CNTN3: variants seen among roughly 807,000 people sequenced by gnomAD.
The protein encoded by CNTN3 is contactin-3.
A neutral mutation model predicts 119.1 loss-of-function variants in CNTN3; 60 were observed. The observed-to-expected ratio is 0.50, with a 90% CI of 0.41 to 0.62. The LOEUF (loss-of-function observed/expected upper bound fraction) is 0.62. Ranked by LOEUF, CNTN3 falls within the 20% of genes least tolerant of loss-of-function variation. The pLI is 0.00. For missense variants in CNTN3, 1,101 were observed against 1,242.4 expected, an observed-to-expected ratio of 0.89 and a Z score of 1.71; for synonymous variants, 450 against 438.7, an observed-to-expected ratio of 1.03 and a Z score of -0.32.
intron 20 of CNTN3, among the ~76,000 whole-genome samples, chr3:74,281,228 G>A (rs572758977): frequency 6.6e-6 from 1 of 152,316 alleles, no homozygotes; most frequent in East Asian, 1.9e-4. Context: ...GGCAGAAACA[G>A]GATGAACAGT....
At chr3:74,385,989 TA>T (rs1704736675) in intron 5 of CNTN3, among the ~76,000 whole-genome samples, 1 of 152,176 alleles carries the variant, frequency 6.6e-6, no homozygotes, top group South Asian at 2.1e-4. Flanking sequence ...CATATTAACT[TA>T]TTTTTTCCTC....
At chr3:74,395,043 T>C (rs1705011470) in intron 5 of CNTN3, among the ~76,000 whole-genome samples, 1 of 152,186 alleles carries the variant, frequency 6.6e-6, no homozygotes, top group African/African-American at 2.4e-5. Context: ...TTTTTTAAAT[T>C]GTAATAAACA....
chr3:74,303,600 C>T (rs896312314), intron 13 of CNTN3, among the ~76,000 whole-genome samples: 1 of 151,990 alleles, frequency 6.6e-6, no homozygotes, highest in Admixed American at 6.6e-5. Context: ...GGCCAAGGCA[C>T]GAGAATCACT....
intron 1 of CNTN3, among the ~76,000 whole-genome samples, chr3:74,557,370 C>T (rs954552510): frequency 5.3e-5 from 8 of 152,086 alleles, no homozygotes; most frequent in Non-Finnish European, 1.0e-4. Context: ...TTTCCCATCA[C>T]TGTGATGGCA....
intron 4 of CNTN3, among the ~76,000 whole-genome samples, chr3:74,447,915 G>A (rs1257685613): frequency 6.6e-6 from 1 of 152,104 alleles, no homozygotes; most frequent in Non-Finnish European, 1.5e-5. Context: ...CAGCTACTAG[G>A]GGAATAACTC....
intron 4 of CNTN3, among the ~76,000 whole-genome samples, chr3:74,452,342 T>C (rs1426087311): frequency 1.8e-5 from 2 of 113,748 alleles, no homozygotes; most frequent in African/African-American, 7.4e-5. Flanking sequence ...ATAAGAATGC[T>C]TGTGATTTTC....
chr3:74,305,827 T>C (rs1286943629), intron 13 of CNTN3, among the ~76,000 whole-genome samples: 2 of 151,652 alleles, frequency 1.3e-5, no homozygotes, highest in South Asian at 2.1e-4. Flanking sequence ...TATCCTCTTA[T>C]GACTTGTTCA....
At chr3:74,447,939 C>T (rs773361281) in intron 4 of CNTN3, among the ~76,000 whole-genome samples, 1 of 152,118 alleles carries the variant, frequency 6.6e-6, no homozygotes, top group Non-Finnish European at 1.5e-5. Flanking sequence ...CTGGCAGACC[C>T]ATCAGGATGC....
intron 4 of CNTN3, among the ~76,000 whole-genome samples, chr3:74,440,045 A>G (rs1191840917): frequency 1.3e-5 from 2 of 152,244 alleles, no homozygotes; most frequent in African/African-American, 4.8e-5. Context: ...TTTAAAATGT[A>G]TATGACAACA....
chr3:74,529,749 A>T (rs1703668332), intron 1 of CNTN3, among the ~76,000 whole-genome samples: 1 of 152,026 alleles, frequency 6.6e-6, no homozygotes, highest in African/African-American at 2.4e-5. Context: ...GGAGTTGAAT[A>T]GAAAAAGGTA....
intron 3 of CNTN3, among the ~76,000 whole-genome samples, chr3:74,492,804 TATA>T (rs767380706): frequency 2.3e-4 from 35 of 152,196 alleles, no homozygotes; most frequent in Non-Finnish European, 5.0e-4. Context: ...CACAAATTTG[TATA>T]ATAATGAGTT....
chr3:74,265,758 C>T (rs554938791), intron 22 of CNTN3, among the ~76,000 whole-genome samples: 5 of 152,202 alleles, frequency 3.3e-5, no homozygotes, highest in African/African-American at 9.6e-5. Context: ...TGAATGGAAA[C>T]AGGGAACAAA....
chr3:74,381,182 T>G (rs1553652605), intron 5 of CNTN3, among the ~76,000 whole-genome samples: 1 of 150,408 alleles, frequency 6.6e-6, no homozygotes, highest in Non-Finnish European at 1.5e-5. Flanking sequence ...TAAACACCAT[T>G]AAAAAAAACC....
intron 5 of CNTN3, among the ~76,000 whole-genome samples, chr3:74,416,530 G>A (rs1489978472): frequency 1.3e-5 from 2 of 152,136 alleles, no homozygotes; most frequent in Non-Finnish European, 2.9e-5. Context: ...ATGTGTATAT[G>A]TGTGAGTGTG....
At chr3:74,511,576 C>T (rs982362027) in intron 2 of CNTN3, among the ~76,000 whole-genome samples, 3 of 151,910 alleles carry the variant, frequency 2.0e-5, no homozygotes, top group African/African-American at 4.8e-5. Flanking sequence ...GGGCTGAAGC[C>T]AGGGGATTGC....
intron 4 of CNTN3, among the ~76,000 whole-genome samples, chr3:74,457,622 G>C (rs1255970769): frequency 6.6e-6 from 1 of 151,694 alleles, no homozygotes; most frequent in Non-Finnish European, 1.5e-5. Flanking sequence ...AGTGAAAAAG[G>C]GTTTACTGTG....
intron 11 of CNTN3, among the ~76,000 whole-genome samples, chr3:74,356,200 G>T (rs1045196102): frequency 6.6e-6 from 1 of 151,954 alleles, no homozygotes; most frequent in Non-Finnish European, 1.5e-5. Flanking sequence ...TCACCAGACT[G>T]GTGCCTTGTT....
chr3:74,502,567 T>A (rs1399728116), intron 2 of CNTN3, among the ~76,000 whole-genome samples: 3 of 152,158 alleles, frequency 2.0e-5, no homozygotes, highest in African/African-American at 7.2e-5. Context: ...CATCCTTTGC[T>A]TCTCCTATTT....
chr3:74,371,974 A>G (rs77872587), intron 5 of CNTN3, among the ~76,000 whole-genome samples: 2,076 of 152,138 alleles, frequency 0.014, 38 homozygotes, highest in African/African-American at 0.047. Flanking sequence ...CACCAACCAC[A>G]TTCTTTGAGA....
Sources: allele counts gnomAD v4.1 joint callset (sites outside exome capture counted in the v4.1 genomes callset), GRCh38; gene constraint gnomAD v4.1.1; transcripts MANE v1.5; gene names NCBI Gene and HGNC (gene_info 2026-07-23, HGNC 2026-07-21).